Variants in FIBCD1 observed in about 807,000 individuals in gnomAD.
FIBCD1 encodes fibrinogen C domain-containing protein 1.
A neutral mutation model predicts 45.1 loss-of-function variants in FIBCD1; 47 were observed. The ratio of observed to expected loss-of-function variants is 1.04; its 90% CI spans 0.82 to 1.33. FIBCD1 has a LOEUF of 1.33. Ranked by LOEUF, FIBCD1 falls within the 40% of genes most tolerant of loss-of-function variation. The pLI, the probability that FIBCD1 is intolerant of heterozygous loss-of-function variation, is 0.00. For missense variants in FIBCD1, 653 were observed against 682.2 expected, an observed-to-expected ratio of 0.96 and a Z score of 0.48; for synonymous variants, 313 against 308.1, an observed-to-expected ratio of 1.02 and a Z score of -0.17.
chr9:130,940,069 C>G (rs1041220740), upstream of FIBCD1, among the ~76,000 whole-genome samples: 3 of 152,234 alleles, frequency 2.0e-5, no homozygotes, highest in Admixed American at 6.5e-5. Context: ...TTGGCCGCCG[C>G]GCTGTTCCCT....
At position 130,902,889 on chromosome 9, in the gene FIBCD1, G is replaced by A. The variant is rs1290689474; in HGVS notation, c.*1175C>T. On this transcript the variant is annotated 3_prime_UTR_variant, in exon 7 of 7. Coordinates refer to ENST00000372338, the MANE Select transcript of FIBCD1 (RefSeq NM_032843.5). The stretch of plus-strand genomic sequence containing the variant: ...GGGGATGACAGCGTGCTGGGTGTTG[G>A]GAGGATTCAACAAGAAAGTGTCCAG... The A allele has an allele frequency of 6.6e-6, 1 of 152,658 alleles. No homozygotes were observed. The highest frequency in any genetic ancestry group is 1.5e-5 in the Non-Finnish European group (1 of 68,386). 9.5% of individuals were successfully genotyped at this position (152,658 alleles called of 1,614,324 possible).
intron 2 of FIBCD1, among the ~76,000 whole-genome samples, chr9:130,924,962 C>T (rs568985328): frequency 4.2e-4 from 64 of 152,282 alleles, no homozygotes; most frequent in Admixed American, 6.5e-4. Context: ...ACCTTCCAGG[C>T]TACCAGACAT....
intron 4 of FIBCD1, among the ~76,000 whole-genome samples, chr9:130,921,652 G>A (rs201062879): frequency 2.9e-4 from 44 of 152,238 alleles, no homozygotes; most frequent in East Asian, 9.6e-4. Context: ...AGTGGAAGAC[G>A]CATGGCCCGC....
intron 5 of FIBCD1, among the ~76,000 whole-genome samples, chr9:130,907,122 C>A (rs975800580): frequency 3.9e-5 from 6 of 152,258 alleles, no homozygotes; most frequent in Non-Finnish European, 7.4e-5. Flanking sequence ...GGAGACCGGC[C>A]CCCCGGGGAT....
intron 4 of FIBCD1, among the ~76,000 whole-genome samples, chr9:130,914,102 G>C (rs1564335247): frequency 6.6e-6 from 1 of 152,052 alleles, no homozygotes; most frequent in East Asian, 1.9e-4. Context: ...GCTCAGGCCT[G>C]GCACATAGTA....
chr9:130,908,952 C>T (rs753499490), intron 5 of FIBCD1, among the ~76,000 whole-genome samples: 64 of 152,104 alleles, frequency 4.2e-4, no homozygotes, highest in Non-Finnish European at 8.2e-4. Flanking sequence ...TTGGGGCCCC[C>T]GACCCCCCAT....
rs367984983 is a variant in FIBCD1 at position 130,917,197 on chromosome 9, G to C, written c.850-5309C>G. On this transcript the variant is annotated intron_variant, in intron 4 of 6. Coordinates refer to ENST00000372338, the MANE Select transcript of FIBCD1 (RefSeq NM_032843.5). ...AAAATATGAATTGGTCCAGCTCCGG[G>C]GGGGCGTCTCTCTTGGGTCCCGGCT... is the stretch of plus-strand genomic sequence containing the variant. 2.6e-4 allele frequency among the ~76,000 whole-genome samples: 40 copies of C among 152,368 alleles called. No homozygotes were observed. The East Asian group carries it at 5.0e-3, about 19-fold the overall frequency.
At chr9:130,914,963 C>T (rs922965574) in intron 4 of FIBCD1, among the ~76,000 whole-genome samples, 5 of 152,232 alleles carry the variant, frequency 3.3e-5, no homozygotes, top group African/African-American at 9.6e-5. Flanking sequence ...GGCCGAAGCT[C>T]GGACACTGGC....
chr9:130,912,367 CTG>C (rs1489263616), intron 4 of FIBCD1, among the ~76,000 whole-genome samples: 7 of 138,332 alleles, frequency 5.1e-5, no homozygotes, highest in Non-Finnish European at 1.1e-4. Flanking sequence ...GATCGTGCCA[CTG>C]TACTCCAGCC....
intron 1 of FIBCD1, among the ~76,000 whole-genome samples, chr9:130,932,751 A>G (rs1832461315): frequency 6.6e-6 from 1 of 152,130 alleles, no homozygotes; most frequent in South Asian, 2.1e-4. Flanking sequence ...TCACTCATTC[A>G]TTCAACTGCC....
At chr9:130,907,682 G>A (rs995214667) in intron 5 of FIBCD1, among the ~76,000 whole-genome samples, 2 of 152,134 alleles carry the variant, frequency 1.3e-5, no homozygotes, top group African/African-American at 4.8e-5. Flanking sequence ...GGCAGATCAC[G>A]AGGTCAGGAG....
chr9:130,917,695 G>T (rs1163077659), intron 4 of FIBCD1, among the ~76,000 whole-genome samples: 3 of 152,198 alleles, frequency 2.0e-5, no homozygotes, highest in Non-Finnish European at 2.9e-5. Context: ...ACTGAGCTGG[G>T]CTCTGTGGTC....
Position 130,923,729 on chromosome 9 carries a change from G to C in FIBCD1, c.849+15C>G. 1 of 1,610,818 alleles carries C rather than the reference G, an allele frequency of 6.2e-7. No homozygotes were observed. The highest frequency in any genetic ancestry group is 8.5e-7 in the Non-Finnish European group (1 of 1,179,542). On this transcript the variant is annotated intron_variant, in intron 4 of 6. Transcript: ENST00000372338. ...CGGTGCCTGCCCTGCCGCCCGCCCA[G>C]CCTGGGACACTCACCGTCCAGCCGC...
intron 1 of FIBCD1, among the ~76,000 whole-genome samples, chr9:130,935,139 A>G (rs1264943472): frequency 6.6e-6 from 1 of 152,246 alleles, no homozygotes; most frequent in Non-Finnish European, 1.5e-5. Flanking sequence ...TAGGTTAGAC[A>G]TCAGGAAGAA....
chr9:130,937,319 C>G (rs1832533081), intron 1 of FIBCD1, among the ~76,000 whole-genome samples: 1 of 152,174 alleles, frequency 6.6e-6, no homozygotes, highest in South Asian at 2.1e-4. Flanking sequence ...GAGTTTGAAT[C>G]CCCACTCTCT....
At chr9:130,931,654 C>T (rs546260639) in intron 1 of FIBCD1, among the ~76,000 whole-genome samples, 16 of 152,352 alleles carry the variant, frequency 1.1e-4, no homozygotes, top group African/African-American at 3.8e-4. Flanking sequence ...TCTCGGAGGC[C>T]CAGATTCACT....
chr9:130,907,930 A>T (rs1831964434), intron 5 of FIBCD1, among the ~76,000 whole-genome samples: 1 of 150,976 alleles, frequency 6.6e-6, no homozygotes, highest in Non-Finnish European at 1.5e-5. Flanking sequence ...GAAAAGAAAA[A>T]CAGAAGAAAA....
intron 4 of FIBCD1, 46 bp downstream of exon 4, chr9:130,923,698 G>A (rs778668340): frequency 2.3e-5 from 37 of 1,601,208 alleles, no homozygotes; most frequent in Non-Finnish European, 2.8e-5. Flanking sequence ...ACAGCCTCAC[G>A]GTCCCCGGTG....
intron 1 of FIBCD1, among the ~76,000 whole-genome samples, chr9:130,930,442 A>ACG (rs1832432132): frequency 6.6e-6 from 1 of 151,596 alleles, no homozygotes. Context: ...ACATGGGGAG[A>ACG]TGCGGGGAGA....
Sources: gnomAD v4.1 joint callset for allele counts (sites outside exome capture counted in the v4.1 genomes callset) on GRCh38, gnomAD v4.1.1 for gene constraint, MANE v1.5 for transcripts, NCBI Gene and HGNC (gene_info 2026-07-23, HGNC 2026-07-21) for gene names.